The following QTRT1 variants were observed in gnomAD, a reference collection of about 807,000 sequenced individuals.
The protein encoded by QTRT1 is queuine tRNA-ribosyltransferase catalytic subunit 1.
QTRT1 carries 41 observed loss-of-function variants against 44.0 expected under a neutral mutation model. The ratio of observed to expected loss-of-function variants is 0.93; its 90% CI spans 0.73 to 1.21. The LOEUF (loss-of-function observed/expected upper bound fraction) is 1.21, where lower values mean the gene tolerates loss of function less well. Among genes scored for constraint, QTRT1 ranks in the 50% most tolerant of loss-of-function variants. The pLI, the probability that QTRT1 is intolerant of heterozygous loss-of-function variation, is 0.00. For missense variants in QTRT1, 542 were observed against 575.8 expected, an observed-to-expected ratio of 0.94 and a Z score of 0.60; for synonymous variants, 226 against 237.1, an observed-to-expected ratio of 0.95 and a Z score of 0.43.
chr19:10,712,242 T>C lies in QTRT1; in HGVS notation c.728T>C (p.Val243Ala). Residue 243 changes from valine (V) to alanine (A), a missense_variant, in exon 6 of 10, where the codon GTG becomes GCG. Coordinates refer to ENST00000250237, the MANE Select transcript of QTRT1 (RefSeq NM_031209.3). This position sits in a 1 kb window ranked among gnomAD's most constrained non-coding sequence, Gnocchi z 5.6. The part of the protein sequence containing the change: ...GESKSQFWRM[V>A]ALSTSRLPKD... ...AGCAAGTCGCAGTTCTGGCGGATGG[T>C]GGCGCTGAGCACCTCTCGGCTGCCG... 6.2e-7 allele frequency: 1 copy of C among 1,614,074 alleles called. No individual in the cohort carries two copies.
At position 10,712,602 on chromosome 19, in the gene QTRT1, G is replaced by A; in HGVS notation, c.835G>A (p.Asp279Asn). The change falls in exon 7 of 10, where the codon GAC (aspartate) becomes AAC (asparagine). Residue 279 changes from aspartate (D) to asparagine (N), a missense_variant. Physicochemically the swap from Asp to Asn is conservative, Grantham distance 23. Coordinates refer to ENST00000250237, the MANE Select transcript of QTRT1 (RefSeq NM_031209.3). This position sits in a 1 kb window ranked among gnomAD's most constrained non-coding sequence, Gnocchi z 5.6. ...VCVALGCDMFDCVFPTRTARF... is the reference protein window; with the variant it reads ...VCVALGCDMFNCVFPTRTARF... ...CGTGGCTCTTGGATGTGACATGTTC[G>A]ACTGCGTCTTCCCCACACGGACAGC... 1 of 1,612,524 alleles carries A rather than the reference G, an allele frequency of 6.2e-7. No individual in the cohort carries two copies. Among genetic ancestry groups the A allele is most frequent in the Non-Finnish European group, 8.5e-7 (1 of 1,179,680 alleles).
chr19:10,710,403 G>C (rs1417773621), intron 5 of QTRT1, among the ~76,000 whole-genome samples: 1 of 151,950 alleles, frequency 6.6e-6, no homozygotes, highest in Non-Finnish European at 1.5e-5. Context: ...TGCAACCTCT[G>C]CCTTCTGGTT....
rs1277607470 is a variant in QTRT1, at chr19:10,712,371, G to C, written c.785+72G>C. 2 of 1,556,502 alleles carry C rather than the reference G, an allele frequency of 1.3e-6. No individual in the cohort carries two copies. Among genetic ancestry groups the C allele is most frequent in the East Asian group, 4.5e-5 (2 of 44,442 alleles). On this transcript the variant is annotated intron_variant, in intron 6 of 9. Coordinates refer to ENST00000250237, the MANE Select transcript of QTRT1 (RefSeq NM_031209.3). This position sits in a 1 kb window ranked among gnomAD's most constrained non-coding sequence, Gnocchi z 5.6. ...TTCCTGGGGACCCCCTACCCTGCTT[G>C]GGGAGGTGGCATTTGGGGGAAACGG...
chr19:10,701,904 AG>A, intron 1 of QTRT1, 45 bp from the exon 2 acceptor site: 1 of 1,607,450 alleles, frequency 6.2e-7, no homozygotes, highest in East Asian at 2.2e-5. Context: ...AAGGGCCCCC[AG>A]GGACGCGGTC....
At position 10,701,700 on chromosome 19, in the gene QTRT1, G is replaced by A. The variant is rs979242443; in HGVS notation, c.240G>A (p.Arg80=). ...GCAATACCTACCATCTGGGTCTAAG[G>A]CCGGTGGGTGGGCTCTGCCCGCGCG... ...CLGNTYHLGL[R]PGPELIQKAN... Residue 80 remains arginine (R), a synonymous_variant, in exon 1 of 10, where the codon AGG becomes AGA. Coordinates refer to ENST00000250237, the MANE Select transcript of QTRT1 (RefSeq NM_031209.3). 4 of 1,575,772 alleles carry A rather than the reference G, an allele frequency of 2.5e-6. No individual in the cohort carries two copies. The highest frequency in any genetic ancestry group is 2.3e-5 in the East Asian group (1 of 42,728).
At chr19:10,710,716 GT>G (rs1442568989) in intron 5 of QTRT1, among the ~76,000 whole-genome samples, 3 of 152,080 alleles carry the variant, frequency 2.0e-5, no homozygotes, top group East Asian at 3.9e-4. Context: ...GAGGTCAGGA[GT>G]TCAAGACCAG....
rs1243521579 is a variant in QTRT1, at chr19:10,707,612, G to T, written c.643G>T (p.Glu215Ter). ...CGCAGATCTCCGGGCCACCTGCCTT[G>T]AAGGTAGAGCCATGCGCTGGCAGGC... ...LDADLRATCL[E>*]EMTKRDVPGF... The change falls in exon 5 of 10, where the codon GAA becomes TAA. Residue 215 changes from glutamate (E) to a stop codon, truncating the protein, a stop_gained. Transcript: ENST00000250237. LOFTEE classifies it high-confidence loss of function. 6.2e-7 allele frequency: 1 copy of T among 1,600,234 alleles called. No individual in the cohort carries two copies. Among genetic ancestry groups the T allele is most frequent in the Admixed American group, 1.7e-5 (1 of 59,466 alleles).
chr19:10,702,124 C>T lies in QTRT1; in HGVS notation c.321C>T (p.Gly107=), dbSNP rs1364050036. 4 of 1,614,134 alleles carry T rather than the reference C, an allele frequency of 2.5e-6. No homozygotes were observed. The highest frequency in any genetic ancestry group is 2.5e-6 in the Non-Finnish European group (3 of 1,180,026). The part of the protein sequence containing the change: ...NWPHNLLTDS[G]GFQMVSLVSL... ...GGTGGGGTTTCCCTTAGGACAGCGG[C>T]GGTTTCCAGATGGTGTCGCTGGTGT... The change falls in exon 3 of 10, where the codon GGC becomes GGT. Residue 107 remains glycine, a synonymous_variant. Transcript: ENST00000250237.
At position 10,702,133 on chromosome 19, in the gene QTRT1, G is replaced by A; in HGVS notation, c.330G>A (p.Gln110=). The stretch of plus-strand genomic sequence containing the variant: ...TCCCTTAGGACAGCGGCGGTTTCCA[G>A]ATGGTGTCGCTGGTGTCTCTGTCCG... ...HNLLTDSGGF[Q]MVSLVSLSEV... Residue 110 remains glutamine (Q), a synonymous_variant, in exon 3 of 10, where the codon CAG becomes CAA. Coordinates refer to ENST00000250237, the MANE Select transcript of QTRT1 (RefSeq NM_031209.3). 1 of 1,614,184 alleles carries A rather than the reference G, an allele frequency of 6.2e-7. No homozygotes were observed. The highest frequency in any genetic ancestry group is 8.5e-7 in the Non-Finnish European group (1 of 1,180,044).
Position 10,705,202 on chromosome 19 carries a change from A to T in QTRT1, c.452-2100A>T, listed in dbSNP as rs1374052242. Among the ~76,000 whole-genome samples the T allele has an allele frequency of 2.7e-5, 4 of 149,530 alleles. No homozygotes were observed. In the South Asian group the frequency reaches 6.3e-4, roughly 24 times the overall value. The stretch of plus-strand genomic sequence containing the variant: ...AGGGCTGGGATTACAGGCGTGAGCC[A>T]CCGCACCCAGCCCCATATTTATTTT... On this transcript the variant is annotated intron_variant, in intron 3 of 9. Coordinates refer to ENST00000250237, the MANE Select transcript of QTRT1 (RefSeq NM_031209.3).
chr19:10,706,669 G>GTT (rs1022446687), intron 3 of QTRT1: 3 of 130,870 alleles, frequency 2.3e-5, no homozygotes, highest in Non-Finnish European at 4.8e-5. Flanking sequence ...CATCGCGCCT[G>GTT]TTTTTTTTTT....
intron 5 of QTRT1, among the ~76,000 whole-genome samples, chr19:10,710,157 T>C (rs1354073100): frequency 6.6e-6 from 1 of 151,836 alleles, no homozygotes; most frequent in East Asian, 1.9e-4. Context: ...TGTACTGCAG[T>C]CTGGGTAACA....
intron 4 of QTRT1, 58 bp downstream of exon 4, chr19:10,707,438 G>C: frequency 1.2e-6 from 2 of 1,610,656 alleles, no homozygotes; most frequent in Non-Finnish European, 1.7e-6. Flanking sequence ...CCTGGTCCCT[G>C]TAGCCTTGTC....
At chr19:10,709,965 C>T (rs1399124888) in intron 5 of QTRT1, among the ~76,000 whole-genome samples, 2 of 151,610 alleles carry the variant, frequency 1.3e-5, no homozygotes, top group Non-Finnish European at 2.9e-5. Context: ...GAGCTGAGAT[C>T]ACACCACTGC....
intron 5 of QTRT1, among the ~76,000 whole-genome samples, chr19:10,710,352 T>C (rs2068732765): frequency 6.6e-6 from 1 of 152,048 alleles, no homozygotes; most frequent in Admixed American, 6.6e-5. Context: ...GTTTTGCTCT[T>C]GTTGTCCAGG....
At position 10,701,471 on chromosome 19, in the gene QTRT1, C is replaced by T; in HGVS notation, c.11C>T (p.Ala4Val). The T allele has an allele frequency of 6.4e-7, 1 of 1,551,542 alleles. No individual in the cohort carries two copies. The highest frequency in any genetic ancestry group is 1.2e-5 in the South Asian group (1 of 82,560). The change falls in exon 1 of 10, where the codon GCA becomes GTA. Residue 4 changes from alanine (A) to valine (V), a missense_variant. Physicochemically the swap from Ala to Val is moderately conservative, Grantham distance 64 (BLOSUM62 0). Transcript: ENST00000250237. MAG[A>V]ATQASLESAP... is the part of the protein sequence containing the mutation. ...GTTCCGACAGTCAAGATGGCGGGAG[C>T]AGCTACCCAGGCTTCCCTGGAGTCG...
intron 5 of QTRT1, among the ~76,000 whole-genome samples, chr19:10,710,465 A>G (rs547122360): frequency 6.6e-6 from 1 of 151,870 alleles, no homozygotes; most frequent in East Asian, 2.0e-4. Flanking sequence ...TACAGGCACC[A>G]GCCACCACGC....
chr19:10,702,848 C>T (rs913373613), intron 3 of QTRT1, among the ~76,000 whole-genome samples: 1 of 140,204 alleles, frequency 7.1e-6, no homozygotes, highest in Non-Finnish European at 1.5e-5. Context: ...GAGCTCACTG[C>T]AACCTCTGCC....
intron 3 of QTRT1, 60 bp downstream of exon 3, chr19:10,702,314 G>A (rs545806968): frequency 6.4e-7 from 1 of 1,572,470 alleles, no homozygotes; most frequent in Non-Finnish European, 8.6e-7. Context: ...AAGTTTACAC[G>A]GGGCCTGTTT....
Sources: gnomAD v4.1 joint callset for allele counts (sites outside exome capture counted in the v4.1 genomes callset) on GRCh38, gnomAD v4.1.1 for gene constraint, Gnocchi (gnomAD v3.1) non-coding constraint, MANE v1.5 for transcripts, NCBI Gene and HGNC (gene_info 2026-07-23, HGNC 2026-07-21) for gene names.